Variants in ANKS1B observed in about 807,000 individuals in gnomAD.
ANKS1B encodes the protein ankyrin repeat and sterile alpha motif domain-containing protein 1B.
In ANKS1B, 36 loss-of-function variants were observed where a neutral mutation model predicts 148.3. That is an observed-to-expected ratio of 0.24 (90% CI 0.19 to 0.32). The LOEUF is 0.32. ANKS1B is among the 10% of genes least tolerant of loss of function. The probability of loss-of-function intolerance (pLI) is 1.00; values close to 1 mark genes in which losing one functional copy is unlikely to be tolerated. For missense variants in ANKS1B, 1,157 were observed against 1,542.6 expected (o/e 0.75, Z 4.19); for synonymous variants, 542 against 560.8 (o/e 0.97, Z 0.47).
intron 12 of ANKS1B, among the ~76,000 whole-genome samples, chr12:99,350,636 G>T (rs1284750252): frequency 6.6e-6 from 1 of 151,982 alleles, no homozygotes; most frequent in Non-Finnish European, 1.5e-5. Context: ...TGAGATTGGG[G>T]TACAAAGGTA....
At chr12:99,224,799 G>A (rs1322717238) in intron 14 of ANKS1B, among the ~76,000 whole-genome samples, 1 of 152,138 alleles carries the variant, frequency 6.6e-6, no homozygotes, top group Admixed American at 6.5e-5. Context: ...TCATACAGTA[G>A]GTAAGCGAAA....
chr12:99,882,094 A>C (rs1488206336), intron 1 of ANKS1B, among the ~76,000 whole-genome samples: 1 of 152,248 alleles, frequency 6.6e-6, no homozygotes, highest in Non-Finnish European at 1.5e-5. Context: ...AACCAAATGG[A>C]AAATTTAGAA....
At chr12:99,732,374 A>G (rs1040430257) in intron 8 of ANKS1B, among the ~76,000 whole-genome samples, 1 of 152,238 alleles carries the variant, frequency 6.6e-6, no homozygotes, top group African/African-American at 2.4e-5. Context: ...TACAGCCAAA[A>G]TCTGGAAACA....
intron 12 of ANKS1B, among the ~76,000 whole-genome samples, chr12:99,387,256 G>A (rs1411007910): frequency 6.6e-6 from 1 of 152,204 alleles, no homozygotes; most frequent in Non-Finnish European, 1.5e-5. Context: ...ATGGGATTAG[G>A]AGTGGGGCAC....
At chr12:98,888,256 T>G (rs551353733) in intron 17 of ANKS1B, among the ~76,000 whole-genome samples, 2 of 152,246 alleles carry the variant, frequency 1.3e-5, no homozygotes, top group African/African-American at 4.8e-5. Flanking sequence ...TATTTTGTAC[T>G]TTGTATTTTC....
Position 99,246,726 on chromosome 12 carries a change from C to A in ANKS1B, c.1895G>T (p.Cys632Phe), listed in dbSNP as rs753279517. 6.2e-7 allele frequency: 1 copy of A among 1,613,776 alleles called. No homozygotes were observed. Among genetic ancestry groups the A allele is most frequent in the Non-Finnish European group, 8.5e-7 (1 of 1,179,858 alleles). ...ACTGACTTCATCTTGTCCTTTTTCA[C>A]ATTGTTCTCTTTTCCCATAGAGATG... ...PFHLYGKREQ[C>F]EKGQDEVSLA... The change falls in exon 13 of 27, where the codon TGT (cysteine) becomes TTT (phenylalanine). Residue 632 changes from cysteine to phenylalanine, a missense_variant. Coordinates refer to ENST00000683438, the MANE Select transcript of ANKS1B (RefSeq NM_001352186.2).
At chr12:99,659,878 T>C (rs12230560) in intron 8 of ANKS1B, among the ~76,000 whole-genome samples, 27,485 of 152,100 alleles carry the variant, frequency 0.18, 2,754 homozygotes, top group East Asian at 0.43. Flanking sequence ...CTAGGTCCTA[T>C]TGTCTTTCTA....
intron 10 of ANKS1B, among the ~76,000 whole-genome samples, chr12:99,458,242 A>T (rs1050983101): frequency 2.0e-5 from 3 of 152,070 alleles, no homozygotes; most frequent in African/African-American, 4.8e-5. Context: ...TAGTGACACA[A>T]CCTATCAAAA....
chr12:99,477,600 G>C (rs140833615), intron 10 of ANKS1B, among the ~76,000 whole-genome samples: 1 of 152,236 alleles, frequency 6.6e-6, no homozygotes, highest in Non-Finnish European at 1.5e-5. Flanking sequence ...ATAATATCAT[G>C]TTTGTGGGAA....
rs371828558 is a variant in ANKS1B at position 99,516,851 on chromosome 12, CTA to C, written c.1273-12212_1273-12211del. Among the ~76,000 whole-genome samples, 297 of 152,024 alleles carry C rather than the reference CTA, an allele frequency of 2.0e-3. 1 individual carries two copies. The highest frequency in any genetic ancestry group is 6.8e-3 in the African/African-American group (281 of 41,484). ...ATGTGTGGATTTGTTTCTGTGTTCT[CTA>C]TTCTATTCCATTGGTCAATATGCCT... On this transcript the variant is annotated intron_variant, in intron 9 of 26. Transcript: ENST00000683438.
At chr12:99,915,993 C>A (rs2094158729) in intron 1 of ANKS1B, among the ~76,000 whole-genome samples, 1 of 152,054 alleles carries the variant, frequency 6.6e-6, no homozygotes. Context: ...ATAAGAATAC[C>A]AGCCACATTG....
chr12:99,411,445 A>G (rs1475330370), intron 11 of ANKS1B, among the ~76,000 whole-genome samples: 3 of 152,080 alleles, frequency 2.0e-5, no homozygotes, highest in Non-Finnish European at 1.5e-5. Flanking sequence ...TCTTTATCCA[A>G]TCCACTACTG....
At chr12:98,746,679 A>T (rs1445293246) in intron 26 of ANKS1B, among the ~76,000 whole-genome samples, 1 of 152,262 alleles carries the variant, frequency 6.6e-6, no homozygotes, top group Non-Finnish European at 1.5e-5. Context: ...TCCAAAACGC[A>T]GAAAAGCTCC....
In ANKS1B at chr12:99,095,619, A is replaced by T. The variant is rs547093161; in HGVS notation, c.2527-10596T>A. Among the ~76,000 whole-genome samples the T allele has an allele frequency of 2.6e-5, 4 of 152,312 alleles. No individual in the cohort carries two copies. The East Asian group carries it at 7.7e-4, about 29-fold the overall frequency. On this transcript the variant is annotated intron_variant, in intron 15 of 26. Coordinates refer to ENST00000683438, the MANE Select transcript of ANKS1B (RefSeq NM_001352186.2). ...CATCTTTTGCATCTAAGTTGCTCTG[A>T]CTAGTGTTTATCTGTCAGTGAAAAT... is the stretch of plus-strand genomic sequence containing the variant.
At chr12:99,977,100 T>C (rs923937842) in intron 1 of ANKS1B, among the ~76,000 whole-genome samples, 2 of 152,166 alleles carry the variant, frequency 1.3e-5, no homozygotes, top group African/African-American at 4.8e-5. Flanking sequence ...CATTCATACA[T>C]GCAGAGCCCT....
intron 19 of ANKS1B, among the ~76,000 whole-genome samples, chr12:98,825,437 CT>C (rs2099240619): frequency 6.6e-6 from 1 of 151,968 alleles, no homozygotes; most frequent in South Asian, 2.1e-4. Flanking sequence ...GGTAATACTG[CT>C]TTTTTTTAAA....
At chr12:98,860,229 T>C (rs2152123672) in intron 17 of ANKS1B, among the ~76,000 whole-genome samples, 1 of 152,378 alleles carries the variant, frequency 6.6e-6, no homozygotes, top group Non-Finnish European at 1.5e-5. Flanking sequence ...CACTGAAATA[T>C]ATTCTATGAA....
Position 98,801,243 on chromosome 12 carries a change from G to A in ANKS1B, c.3142-118C>T. Reference sequence around the variant, plus strand: ...TGAATGTACCAAAATGCATTTGGGTGTCTTATGTGAATATAAATACTTGGT... The same window carrying A: ...TGAATGTACCAAAATGCATTTGGGTATCTTATGTGAATATAAATACTTGGT... On this transcript the variant is annotated intron_variant, in intron 20 of 26. Transcript: ENST00000683438. This position sits in a 1 kb window ranked among gnomAD's most constrained non-coding sequence, Gnocchi z 5.2. 1 of 907,876 alleles carries A rather than the reference G, an allele frequency of 1.1e-6. No homozygotes were observed. Among genetic ancestry groups the A allele is most frequent in the Non-Finnish European group, 1.6e-6 (1 of 620,462 alleles). 56.2% of individuals were successfully genotyped at this position (907,876 alleles called of 1,614,324 possible).
chr12:99,303,788 C>T (rs953548249), intron 12 of ANKS1B, among the ~76,000 whole-genome samples: 2 of 152,106 alleles, frequency 1.3e-5, no homozygotes, highest in Non-Finnish European at 2.9e-5. Context: ...CCACCTCACT[C>T]TTCCCCACAA....
Sources: allele counts gnomAD v4.1 joint callset (sites outside exome capture counted in the v4.1 genomes callset), GRCh38; gene constraint gnomAD v4.1.1; non-coding constraint Gnocchi (gnomAD v3.1); transcripts MANE v1.5; gene names NCBI Gene and HGNC (gene_info 2026-07-23, HGNC 2026-07-21).